The following LIMS1 variants were observed in gnomAD, a reference collection of about 807,000 sequenced individuals.
LIMS1 encodes the protein LIM zinc finger domain containing 1.
LIMS1 carries 18 observed loss-of-function variants against 44.1 expected under a neutral mutation model. The ratio of observed to expected loss-of-function variants is 0.41; its 90% CI spans 0.28 to 0.61. LIMS1 has a LOEUF of 0.61. LIMS1 is among the 20% of genes least tolerant of loss of function. LIMS1 has a pLI of 0.32. For synonymous variants in LIMS1, 93 were observed against 149.1 expected (o/e 0.62, Z 2.74); for missense variants, 201 against 422.0 (o/e 0.48, Z 4.59).
intron 1 of LIMS1, among the ~76,000 whole-genome samples, chr2:108,574,970 A>G (rs1174341135): frequency 1.4e-4 from 21 of 152,196 alleles, no homozygotes; most frequent in Non-Finnish European, 2.9e-4. Flanking sequence ...GACTAACTAA[A>G]TATCATTTTG....
intron 1 of LIMS1, among the ~76,000 whole-genome samples, chr2:108,612,021 CACACATAT>C (rs1257851263): frequency 3.2e-5 from 2 of 62,648 alleles, no homozygotes; most frequent in Non-Finnish European, 6.4e-5. Flanking sequence ...TATATATACA[CACACATAT>C]ACACACACAC....
intron 1 of LIMS1, among the ~76,000 whole-genome samples, chr2:108,650,272 T>G (rs975114282): frequency 3.3e-5 from 5 of 152,254 alleles, no homozygotes; most frequent in Admixed American, 6.5e-5. Context: ...ATGGTGTTTA[T>G]TCGGAATTAA....
At chr2:108,594,150 C>T (rs1558800967) in intron 1 of LIMS1, among the ~76,000 whole-genome samples, 1 of 152,044 alleles carries the variant, frequency 6.6e-6, no homozygotes, top group Non-Finnish European at 1.5e-5. Flanking sequence ...AGGATATGGT[C>T]GACAAGTGGT....
At chr2:108,560,966 T>C (rs1250544832) in intron 1 of LIMS1, among the ~76,000 whole-genome samples, 2 of 152,208 alleles carry the variant, frequency 1.3e-5, no homozygotes, top group African/African-American at 4.8e-5. Flanking sequence ...ACTAGCTCAA[T>C]GCTAATTGGT....
At chr2:108,546,842 T>A (rs189059713) in intron 1 of LIMS1, among the ~76,000 whole-genome samples, 2 of 152,348 alleles carry the variant, frequency 1.3e-5, no homozygotes, top group East Asian at 3.9e-4. Flanking sequence ...TGGGTGTCAA[T>A]ACTGTGCATG....
intron 1 of LIMS1, among the ~76,000 whole-genome samples, chr2:108,654,209 T>C (rs1690695674): frequency 1.3e-5 from 2 of 152,022 alleles, no homozygotes; most frequent in Admixed American, 6.6e-5. Flanking sequence ...TCCTTTCGCA[T>C]TGCTAACTCA....
chr2:108,602,122 G>A (rs1490972840), intron 1 of LIMS1, among the ~76,000 whole-genome samples: 1 of 152,130 alleles, frequency 6.6e-6, no homozygotes, highest in African/African-American at 2.4e-5. Flanking sequence ...TTGGCATATA[G>A]AAATGGTACT....
intron 1 of LIMS1, among the ~76,000 whole-genome samples, chr2:108,582,550 CT>C (rs910707531): frequency 6.6e-6 from 1 of 152,136 alleles, no homozygotes; most frequent in Admixed American, 6.5e-5. Flanking sequence ...CGGTGGATCA[CT>C]TGAGTCCAGG....
At chr2:108,554,332 C>T (rs77954878) in intron 1 of LIMS1, among the ~76,000 whole-genome samples, 3,128 of 152,240 alleles carry the variant, frequency 0.021, 66 homozygotes, top group Non-Finnish European at 0.028. Context: ...CAGACTAACC[C>T]ATGGCTCCAC....
intron 1 of LIMS1, among the ~76,000 whole-genome samples, chr2:108,569,783 T>A (rs1023920389): frequency 8.1e-5 from 12 of 147,536 alleles, no homozygotes; most frequent in African/African-American, 3.0e-4. Context: ...TTTTTTTTTT[T>A]AGTGATGAGG....
At chr2:108,674,982 ATATT>A (rs1308663170) in intron 5 of LIMS1, among the ~76,000 whole-genome samples, 2 of 151,854 alleles carry the variant, frequency 1.3e-5, no homozygotes, top group Non-Finnish European at 2.9e-5. Context: ...ACTGAAAATA[ATATT>A]TAATTTGAGT....
intron 1 of LIMS1, among the ~76,000 whole-genome samples, chr2:108,587,290 T>TGTGTG (rs1686149698): frequency 5.8e-4 from 61 of 106,080 alleles, no homozygotes; most frequent in African/African-American, 1.5e-3. Context: ...TTCTTGGGGT[T>TGTGTG]TGTGTGTGTG....
chr2:108,625,117 T>C (rs1019247887), intron 1 of LIMS1, among the ~76,000 whole-genome samples: 1 of 152,218 alleles, frequency 6.6e-6, no homozygotes, highest in Non-Finnish European at 1.5e-5. Context: ...CAGGTGAACT[T>C]ATGACCCTCA....
chr2:108,584,121 A>G (rs1046583640), intron 1 of LIMS1, among the ~76,000 whole-genome samples: 1 of 152,182 alleles, frequency 6.6e-6, no homozygotes, highest in East Asian at 1.9e-4. Context: ...TTGTAGCTCC[A>G]TCTGCTGGAG....
At chr2:108,614,211 C>T (rs1687811122) in intron 1 of LIMS1, among the ~76,000 whole-genome samples, 1 of 152,200 alleles carries the variant, frequency 6.6e-6, no homozygotes, top group Non-Finnish European at 1.5e-5. Context: ...AGGCCCATGC[C>T]TCTGGCAGTC....
chr2:108,619,350 T>G (rs1318023351), intron 1 of LIMS1, among the ~76,000 whole-genome samples: 2 of 151,812 alleles, frequency 1.3e-5, no homozygotes, highest in Non-Finnish European at 2.9e-5. Context: ...GATTAGTGGT[T>G]GTTTCTGTTC....
intron 3 of LIMS1, chr2:108,671,094 C>A: frequency 2.1e-6 from 1 of 475,624 alleles, no homozygotes; most frequent in Non-Finnish European, 3.8e-6. Context: ...TCGCTCGAAC[C>A]CAGGGGGCAG....
intron 1 of LIMS1, among the ~76,000 whole-genome samples, chr2:108,578,058 C>T (rs535505434): frequency 1.3e-5 from 2 of 152,248 alleles, no homozygotes; most frequent in African/African-American, 2.4e-5. Context: ...TATAGATGTC[C>T]GCCACTGCGC....
intron 1 of LIMS1, among the ~76,000 whole-genome samples, chr2:108,578,874 G>A (rs745362134): frequency 2.5e-4 from 38 of 152,140 alleles, no homozygotes; most frequent in Non-Finnish European, 4.9e-4. Flanking sequence ...GATTACAGGC[G>A]TGAGCCATTG....
Sources: allele counts gnomAD v4.1 joint callset (sites outside exome capture counted in the v4.1 genomes callset), GRCh38; gene constraint gnomAD v4.1.1; transcripts MANE v1.5; gene names NCBI Gene and HGNC (gene_info 2026-07-23, HGNC 2026-07-21).